Variants in EMCN observed in about 807,000 individuals in gnomAD.
EMCN encodes MUC-14.
In EMCN, 37 loss-of-function variants were observed where a neutral mutation model predicts 38.4. The ratio of observed to expected loss-of-function variants is 0.96; its 90% confidence interval spans 0.74 to 1.27. The LOEUF (loss-of-function observed/expected upper bound fraction) is 1.27, where lower values mean the gene tolerates loss of function less well. Ranked by LOEUF, EMCN falls within the 50% of genes most tolerant of loss-of-function variation. The pLI, the probability that EMCN is intolerant of heterozygous loss-of-function variation, is 0.00. For missense variants in EMCN, 318 were observed against 302.8 expected, an observed-to-expected ratio of 1.05 and a Z score of -0.37; for synonymous variants, 95 against 100.8, an observed-to-expected ratio of 0.94 and a Z score of 0.35.
intron 3 of EMCN, chr4:100,474,059 C>T (rs945461599): frequency 6.6e-6 from 1 of 152,012 alleles, no homozygotes; most frequent in Non-Finnish European, 1.5e-5. Flanking sequence ...AAGATACTAT[C>T]AACAAAATTA....
chr4:100,511,672 G>A (rs76926890), intron 1 of EMCN, among the ~76,000 whole-genome samples: 2,764 of 152,222 alleles, frequency 0.018, 72 homozygotes, highest in African/African-American at 0.063. Context: ...TGAAAAGGAA[G>A]AAGGGTAGTA....
intron 1 of EMCN, among the ~76,000 whole-genome samples, chr4:100,495,027 C>A (rs1729175695): frequency 6.6e-6 from 1 of 151,750 alleles, no homozygotes. Context: ...TCATAAGAAT[C>A]CAAAGAAATA....
chr4:100,413,283 T>A lies in EMCN; in HGVS notation c.751+2615A>T, dbSNP rs569511928. Among the ~76,000 whole-genome samples, 209 of 152,304 alleles carry A rather than the reference T, an allele frequency of 1.4e-3. 1 individual carries two copies. The highest frequency in any genetic ancestry group is 4.8e-3 in the African/African-American group (199 of 41,574). On this transcript the variant is annotated intron_variant, in intron 10 of 11. Transcript: ENST00000296420. Reference sequence around the variant, plus strand: ...GTTCTATCAATTGTTTTCTGTATTTTAAAAATTTCTAAAAATTTTTATATA... The same window carrying A: ...GTTCTATCAATTGTTTTCTGTATTTAAAAAATTTCTAAAAATTTTTATATA...
At chr4:100,492,909 A>G (rs1729122440) in intron 1 of EMCN, among the ~76,000 whole-genome samples, 1 of 152,200 alleles carries the variant, frequency 6.6e-6, no homozygotes, top group African/African-American at 2.4e-5. Flanking sequence ...ATGTGACCAT[A>G]TGCAAACAGC....
At chr4:100,488,642 G>A (rs1033004109) in intron 1 of EMCN, among the ~76,000 whole-genome samples, 1 of 152,156 alleles carries the variant, frequency 6.6e-6, no homozygotes, top group Non-Finnish European at 1.5e-5. Context: ...GTATGTGTAT[G>A]TTATGCCTAT....
intron 1 of EMCN, among the ~76,000 whole-genome samples, chr4:100,511,836 T>TAA (rs3841994): frequency 1.3e-3 from 193 of 146,980 alleles, no homozygotes; most frequent in Middle Eastern, 7.0e-3. Context: ...AGACAGTTTA[T>TAA]AAAAAAAAAA....
intron 4 of EMCN, among the ~76,000 whole-genome samples, chr4:100,448,990 C>G (rs890655465): frequency 6.6e-6 from 1 of 152,038 alleles, no homozygotes; most frequent in Admixed American, 6.5e-5. Context: ...TTCAACAGTA[C>G]TTTTATTACT....
At chr4:100,463,266 C>A (rs918093056) in intron 4 of EMCN, among the ~76,000 whole-genome samples, 2 of 152,084 alleles carry the variant, frequency 1.3e-5, no homozygotes, top group African/African-American at 4.8e-5. Flanking sequence ...ACTCTCCATT[C>A]TTTTCTGTCA....
chr4:100,493,313 C>A (rs1187607066), intron 1 of EMCN, among the ~76,000 whole-genome samples: 2 of 152,084 alleles, frequency 1.3e-5, no homozygotes, highest in African/African-American at 2.4e-5. Flanking sequence ...TTTCTAATAT[C>A]CTTTCACCAT....
chr4:100,499,650 A>C (rs1729297597), intron 1 of EMCN, among the ~76,000 whole-genome samples: 1 of 152,222 alleles, frequency 6.6e-6, no homozygotes, highest in Non-Finnish European at 1.5e-5. Context: ...CAGCCTCGTG[A>C]CAAACCTTTT....
intron 11 of EMCN, among the ~76,000 whole-genome samples, chr4:100,402,390 T>G (rs1726283085): frequency 6.6e-6 from 1 of 152,194 alleles, no homozygotes; most frequent in Non-Finnish European, 1.5e-5. Context: ...TTTTAACTTC[T>G]TTCCTGAAAT....
At chr4:100,505,218 G>A (rs775042402) in intron 1 of EMCN, among the ~76,000 whole-genome samples, 4 of 152,214 alleles carry the variant, frequency 2.6e-5, no homozygotes, top group Admixed American at 6.5e-5. Flanking sequence ...TGGTCTCCGC[G>A]TCTTGGTGGT....
chr4:100,480,343 T>C (rs1728773212), intron 1 of EMCN, among the ~76,000 whole-genome samples: 1 of 152,002 alleles, frequency 6.6e-6, no homozygotes, highest in Non-Finnish European at 1.5e-5. Flanking sequence ...CCAACGAAAC[T>C]AACCTTGCCA....
intron 1 of EMCN, among the ~76,000 whole-genome samples, chr4:100,490,645 G>C (rs1007687451): frequency 1.3e-5 from 2 of 152,064 alleles, no homozygotes; most frequent in African/African-American, 4.8e-5. Flanking sequence ...ATGTTACATC[G>C]GTTTTTAGCC....
intron 1 of EMCN, among the ~76,000 whole-genome samples, chr4:100,492,203 T>C (rs981739469): frequency 1.3e-5 from 2 of 151,958 alleles, no homozygotes; most frequent in Admixed American, 6.6e-5. Flanking sequence ...ATGAGAAGTA[T>C]GACAAAGAAA....
chr4:100,442,782 T>C (rs978604378), intron 5 of EMCN, among the ~76,000 whole-genome samples: 10 of 152,142 alleles, frequency 6.6e-5, no homozygotes, highest in Middle Eastern at 3.4e-3. Flanking sequence ...TTCCTGATTT[T>C]ATTAAATTGT....
At chr4:100,467,723 T>G (rs1728362553) in intron 3 of EMCN, among the ~76,000 whole-genome samples, 1 of 151,098 alleles carries the variant, frequency 6.6e-6, no homozygotes, top group African/African-American at 2.4e-5. Context: ...CATAGTCATA[T>G]TAACATCTTT....
At chr4:100,428,976 G>A (rs1375755685) in intron 5 of EMCN, among the ~76,000 whole-genome samples, 1 of 152,134 alleles carries the variant, frequency 6.6e-6, no homozygotes, top group East Asian at 1.9e-4. Flanking sequence ...CAGAGACTAT[G>A]TTATTGTTTA....
chr4:100,404,921 CTCTTTTG>C (rs1353448864), intron 11 of EMCN, among the ~76,000 whole-genome samples: 5 of 151,764 alleles, frequency 3.3e-5, no homozygotes, highest in African/African-American at 9.7e-5. Context: ...CATTATAGAG[CTCTTTTG>C]TCTTCCAGGT....
Sources: gnomAD v4.1 joint callset for allele counts (sites outside exome capture counted in the v4.1 genomes callset) on GRCh38, gnomAD v4.1.1 for gene constraint, MANE v1.5 for transcripts, NCBI Gene and HGNC (gene_info 2026-07-23, HGNC 2026-07-21) for gene names.